BCKDHB: variants seen among roughly 807,000 people sequenced by gnomAD.
BCKDHB encodes branched chain keto acid dehydrogenase E1 subunit beta, also known as 2-oxoisovalerate dehydrogenase subunit beta, mitochondrial.
Under a neutral mutation model 48.5 loss-of-function variants are expected in BCKDHB, and 41 were observed. The ratio of observed to expected loss-of-function variants is 0.85; its 90% confidence interval spans 0.66 to 1.10. The LOEUF is 1.10. Among genes scored for constraint, BCKDHB ranks in the 50% least tolerant of loss-of-function variants. BCKDHB has a pLI of 0.00. For synonymous variants in BCKDHB, 201 were observed against 174.8 expected (o/e 1.15, Z -1.18); for missense variants, 496 against 494.2 (o/e 1.00, Z -0.03).
At chr6:80,405,984 G>T in the BCKDHB span, among the ~76,000 whole-genome samples, 3 of 150,196 alleles carry the variant, frequency 2.0e-5, no homozygotes, top group African/African-American at 7.4e-5. Context: ...CCAGGCCCCC[G>T]CCCCCACCAG....
chr6:80,443,028 C>G, the BCKDHB span, among the ~76,000 whole-genome samples: 3 of 151,982 alleles, frequency 2.0e-5, no homozygotes, highest in Non-Finnish European at 4.4e-5. Context: ...GGGTCTGAAG[C>G]CTGTTCAGGG....
chr6:80,417,552 G>A, the BCKDHB span, among the ~76,000 whole-genome samples: 50 of 152,270 alleles, frequency 3.3e-4, no homozygotes, highest in African/African-American at 1.1e-3. Flanking sequence ...AATTTCCTCA[G>A]CATTTGCTTG....
At chr6:80,376,890 C>T in the BCKDHB span, among the ~76,000 whole-genome samples, 586 of 152,034 alleles carry the variant, frequency 3.9e-3, 7 homozygotes, top group African/African-American at 0.013. Context: ...TTTTTAATTG[C>T]GTTATTTGTC....
chr6:80,128,436 G>C (rs990726662), intron 2 of BCKDHB, among the ~76,000 whole-genome samples: 1 of 152,094 alleles, frequency 6.6e-6, no homozygotes, highest in Non-Finnish European at 1.5e-5. Flanking sequence ...GGTTAGGTAC[G>C]TTTATGAGAC....
intron 9 of BCKDHB, among the ~76,000 whole-genome samples, chr6:80,322,896 CTTTTT>C (rs34177726): frequency 6.1e-5 from 7 of 115,562 alleles, no homozygotes; most frequent in East Asian, 2.5e-4. Context: ...TTTCTTTTTT[CTTTTT>C]TTTTTTTTTT....
At chr6:80,307,209 G>A (rs1385370487) in intron 9 of BCKDHB, among the ~76,000 whole-genome samples, 1 of 152,078 alleles carries the variant, frequency 6.6e-6, no homozygotes, top group East Asian at 1.9e-4. Flanking sequence ...ATTAATAGCT[G>A]TGTTTTCTTA....
chr6:80,428,007 C>A, the BCKDHB span, among the ~76,000 whole-genome samples: 27 of 152,116 alleles, frequency 1.8e-4, no homozygotes, highest in African/African-American at 6.0e-4. Flanking sequence ...TTTCTCCTAA[C>A]GCTATCCCTC....
intron 9 of BCKDHB, among the ~76,000 whole-genome samples, chr6:80,336,013 A>T (rs181135058): frequency 4.6e-5 from 7 of 152,178 alleles, no homozygotes; most frequent in Non-Finnish European, 7.4e-5. Context: ...TAAGATTATA[A>T]ATTACAGAAA....
At chr6:80,457,110 A>G in the BCKDHB span, among the ~76,000 whole-genome samples, 3 of 152,246 alleles carry the variant, frequency 2.0e-5, no homozygotes, top group Admixed American at 6.5e-5. Flanking sequence ...AGAGTAAACA[A>G]GAAGCATACA....
Position 80,129,037 on chromosome 6 carries a change from C to A in BCKDHB, c.275-124C>A, listed in dbSNP as rs140160563. 406 of 752,846 alleles carry A rather than the reference C, an allele frequency of 5.4e-4. 4 individuals carry two copies. The African/African-American group carries it at 6.3e-3, about 12-fold the overall frequency. The allele number at this position is 752,846 out of a possible 1,614,324, so 46.6% of individuals were successfully genotyped here. A position where few individuals can be genotyped will look rare whatever the true frequency, so the allele number is the denominator to read the frequency against. ...AATGTAGAAGTTGAGAAACCTTGAT[C>A]GAGATCTATGGTCCATTTATCTTTT... is the stretch of plus-strand genomic sequence containing the variant. On this transcript the variant is annotated intron_variant, in intron 2 of 9. Coordinates refer to ENST00000320393, the MANE Select transcript of BCKDHB (RefSeq NM_183050.4).
At chr6:80,399,232 A>G in the BCKDHB span, among the ~76,000 whole-genome samples, 31 of 152,076 alleles carry the variant, frequency 2.0e-4, no homozygotes, top group Admixed American at 2.0e-3. Flanking sequence ...TTATTAACAT[A>G]GTATTAGAAG....
chr6:80,275,430 A>T (rs529601836), intron 9 of BCKDHB, among the ~76,000 whole-genome samples: 22 of 152,208 alleles, frequency 1.4e-4, no homozygotes, highest in Admixed American at 3.9e-4. Context: ...GACTTGAGAC[A>T]ATAGTGTAAT....
chr6:80,371,263 T>A, the BCKDHB span, among the ~76,000 whole-genome samples: 1 of 152,188 alleles, frequency 6.6e-6, no homozygotes, highest in Non-Finnish European at 1.5e-5. Flanking sequence ...TTTTTTCATA[T>A]GTTTGTTGGT....
Position 80,343,689 on chromosome 6 carries a change from C to T in BCKDHB, c.1064C>T (p.Ala355Val). Residue 355 changes from alanine (A) to valine (V), a missense_variant, in exon 10 of 10, where the codon GCT becomes GTT. Transcript: ENST00000320393. ...VQEECFLNLE[A>V]PISRVCGYDT... ...GAGGAATGTTTCTTGAACCTAGAGG[C>T]TCCTATATCAAGAGTATGTGGTTAT... 1 of 1,613,954 alleles carries T rather than the reference C, an allele frequency of 6.2e-7. No individual in the cohort carries two copies. Among genetic ancestry groups the T allele is most frequent in the Non-Finnish European group, 8.5e-7 (1 of 1,179,938 alleles).
At chr6:80,454,868 G>A in the BCKDHB span, among the ~76,000 whole-genome samples, 2,619 of 152,224 alleles carry the variant, frequency 0.017, 89 homozygotes, top group African/African-American at 0.058. Context: ...CCTTCTTAAT[G>A]ACTCTCCATT....
chr6:80,302,684 T>G (rs776651283), intron 9 of BCKDHB, among the ~76,000 whole-genome samples: 8 of 152,192 alleles, frequency 5.3e-5, no homozygotes, highest in Non-Finnish European at 1.2e-4. Flanking sequence ...TGGTCGAATT[T>G]TAAACACAAC....
At chr6:80,178,449 C>T (rs1773266597) in intron 6 of BCKDHB, among the ~76,000 whole-genome samples, 1 of 152,166 alleles carries the variant, frequency 6.6e-6, no homozygotes, top group South Asian at 2.1e-4. Flanking sequence ...CTGCAGCTGT[C>T]ATGATTTAAC....
chr6:80,294,188 G>C (rs1461385455), intron 9 of BCKDHB, among the ~76,000 whole-genome samples: 1 of 152,142 alleles, frequency 6.6e-6, no homozygotes, highest in Non-Finnish European at 1.5e-5. Flanking sequence ...TGCGGCAGAG[G>C]AACATAAATT....
At chr6:80,155,240 T>TA (rs2127759004) in intron 3 of BCKDHB, among the ~76,000 whole-genome samples, 1 of 152,264 alleles carries the variant, frequency 6.6e-6, no homozygotes, top group South Asian at 2.1e-4. Flanking sequence ...TTGGAGAACA[T>TA]ATGATGGAAT....
Sources: allele counts gnomAD v4.1 joint callset (sites outside exome capture counted in the v4.1 genomes callset), GRCh38; gene constraint gnomAD v4.1.1; transcripts MANE v1.5; gene names NCBI Gene and HGNC (gene_info 2026-07-23, HGNC 2026-07-21).